Variants in DNAJC5B observed in about 807,000 individuals in gnomAD.
The protein encoded by DNAJC5B is DnaJ heat shock protein family (Hsp40) member C5 beta.
Under a neutral mutation model 24.7 loss-of-function variants are expected in DNAJC5B, and 23 were observed. That is an observed-to-expected ratio of 0.93 (90% CI 0.67 to 1.32). The LOEUF is 1.32. DNAJC5B is among the 40% of genes most tolerant of loss of function. The pLI is 0.00. For missense variants in DNAJC5B, 238 were observed against 240.8 expected, an observed-to-expected ratio of 0.99 and a Z score of 0.08; for synonymous variants, 101 against 90.1, an observed-to-expected ratio of 1.12 and a Z score of -0.68.
upstream of DNAJC5B, among the ~76,000 whole-genome samples, chr8:66,017,299 G>A (rs547136661): frequency 6.6e-6 from 1 of 152,286 alleles, no homozygotes; most frequent in African/African-American, 2.4e-5. Flanking sequence ...CAGTTTGGCT[G>A]ACATTTTCTT....
chr8:66,029,968 G>C (rs1439949141), intron 1 of DNAJC5B, among the ~76,000 whole-genome samples: 2 of 152,146 alleles, frequency 1.3e-5, no homozygotes, highest in Non-Finnish European at 2.9e-5. Context: ...ACAGTCTCCA[G>C]GGCAACTAGT....
intron 3 of DNAJC5B, among the ~76,000 whole-genome samples, chr8:66,074,767 A>G (rs925297172): frequency 6.6e-6 from 1 of 152,204 alleles, no homozygotes; most frequent in Admixed American, 6.5e-5. Context: ...CACCTCCTTG[A>G]CGGTTGTGGA....
At chr8:66,034,300 G>T (rs563036067) in intron 1 of DNAJC5B, among the ~76,000 whole-genome samples, 6 of 152,010 alleles carry the variant, frequency 3.9e-5, no homozygotes, top group Non-Finnish European at 8.8e-5. Context: ...CACACAGAGG[G>T]TGCTGGGTAG....
chr8:66,094,839 A>G (rs963841986), intron 5 of DNAJC5B, among the ~76,000 whole-genome samples: 1 of 151,886 alleles, frequency 6.6e-6, no homozygotes, highest in East Asian at 1.9e-4. Context: ...TTTTTCAAAT[A>G]TTTTTTCTTC....
At chr8:66,051,429 C>T in intron 2 of DNAJC5B, 102 bp from the exon 3 acceptor site, 1 of 728,426 alleles carries the variant, frequency 1.4e-6, no homozygotes, top group South Asian at 1.8e-5. Context: ...CACAAATATT[C>T]TTCAAATTGT....
intron 5 of DNAJC5B, among the ~76,000 whole-genome samples, chr8:66,097,532 T>C (rs1807980209): frequency 6.6e-6 from 1 of 151,948 alleles, no homozygotes. Flanking sequence ...CTGACATATT[T>C]TCTGGGTTTT....
chr8:66,083,793 A>G (rs1807656899), intron 5 of DNAJC5B, among the ~76,000 whole-genome samples: 1 of 152,164 alleles, frequency 6.6e-6, no homozygotes, highest in South Asian at 2.1e-4. Flanking sequence ...ACTGAAACCT[A>G]TCCCTAACTC....
intron 5 of DNAJC5B, among the ~76,000 whole-genome samples, chr8:66,093,616 G>A (rs1807891821): frequency 6.6e-6 from 1 of 151,996 alleles, no homozygotes; most frequent in South Asian, 2.1e-4. Flanking sequence ...AAAATATTCT[G>A]GGTATTGATT....
At chr8:66,079,065 C>G (rs1807534500) in intron 4 of DNAJC5B, among the ~76,000 whole-genome samples, 1 of 152,142 alleles carries the variant, frequency 6.6e-6, no homozygotes, top group Non-Finnish European at 1.5e-5. Context: ...TTGCTCAATT[C>G]ACAAAAACTG....
upstream of DNAJC5B, among the ~76,000 whole-genome samples, chr8:66,021,069 G>C (rs1027203985): frequency 6.6e-6 from 1 of 152,100 alleles, no homozygotes; most frequent in Non-Finnish European, 1.5e-5. Flanking sequence ...CTGAGTCTGG[G>C]CTGGGACCAG....
intron 5 of DNAJC5B, among the ~76,000 whole-genome samples, chr8:66,081,987 G>C (rs1807606121): frequency 6.6e-6 from 1 of 152,130 alleles, no homozygotes; most frequent in Admixed American, 6.5e-5. Context: ...GGGTTAAGGA[G>C]TAATGTATGC....
At chr8:66,030,747 GT>G (rs765631962) in intron 1 of DNAJC5B, among the ~76,000 whole-genome samples, 7 of 152,090 alleles carry the variant, frequency 4.6e-5, no homozygotes, top group Non-Finnish European at 8.8e-5. Flanking sequence ...AGCGTTTCTT[GT>G]GCCTCAGCCT....
chr8:66,088,536 C>T (rs903121648), intron 5 of DNAJC5B, among the ~76,000 whole-genome samples: 2 of 152,168 alleles, frequency 1.3e-5, no homozygotes, highest in Non-Finnish European at 2.9e-5. Flanking sequence ...CAAATCCAAA[C>T]CTTATGCTCT....
the DNAJC5B span, among the ~76,000 whole-genome samples, chr8:66,016,230 T>C: frequency 1.3e-5 from 2 of 152,182 alleles, no homozygotes; most frequent in Admixed American, 1.3e-4. Context: ...ATGAGTGATA[T>C]GGTTTGGCTG....
chr8:66,051,206 A>G (rs796246053), intron 2 of DNAJC5B, among the ~76,000 whole-genome samples: 1 of 152,208 alleles, frequency 6.6e-6, no homozygotes, highest in Non-Finnish European at 1.5e-5. Context: ...AAAAAAATGA[A>G]AGACCAAAAA....
At chr8:66,040,158 G>A (rs112048968) in intron 1 of DNAJC5B, among the ~76,000 whole-genome samples, 27,595 of 152,096 alleles carry the variant, frequency 0.18, 4,690 homozygotes, top group African/African-American at 0.45. Flanking sequence ...TTGGGAGGCC[G>A]AGGCAGGCGT....
chr8:66,022,845 C>T (rs748662033), intron 1 of DNAJC5B, among the ~76,000 whole-genome samples: 3 of 152,198 alleles, frequency 2.0e-5, no homozygotes, highest in African/African-American at 7.2e-5. Flanking sequence ...AGGTTATGAT[C>T]TAATCATAAC....
chr8:66,023,200 C>A (rs1224076230), intron 1 of DNAJC5B, among the ~76,000 whole-genome samples: 3 of 152,206 alleles, frequency 2.0e-5, no homozygotes, highest in Non-Finnish European at 4.4e-5. Flanking sequence ...CCCCCTCACT[C>A]TTAGCCTGGT....
At chr8:66,039,532 T>C (rs1289436692) in intron 1 of DNAJC5B, among the ~76,000 whole-genome samples, 1 of 152,124 alleles carries the variant, frequency 6.6e-6, no homozygotes, top group East Asian at 1.9e-4. Flanking sequence ...GTATTTTTAG[T>C]AGAGACGGGG....
Sources: gnomAD v4.1 joint callset for allele counts (sites outside exome capture counted in the v4.1 genomes callset) on GRCh38, gnomAD v4.1.1 for gene constraint, MANE v1.5 for transcripts, NCBI Gene and HGNC (gene_info 2026-07-23, HGNC 2026-07-21) for gene names.